The following IQSEC1 variants were observed in gnomAD, a reference collection of about 807,000 sequenced individuals.
The protein encoded by IQSEC1 is IQ motif and Sec7 domain ArfGEF 1.
Under a neutral mutation model 91.0 loss-of-function variants are expected in IQSEC1, and 31 were observed. The ratio of observed to expected loss-of-function variants is 0.34; its 90% CI spans 0.26 to 0.46. IQSEC1 has a LOEUF of 0.46. IQSEC1 is among the 20% of genes least tolerant of loss of function. The pLI is 1.00. For synonymous variants in IQSEC1, 699 were observed against 662.6 expected (o/e 1.05, Z -0.84); for missense variants, 1,388 against 1,575.6 (o/e 0.88, Z 2.02).
intron 1 of IQSEC1, among the ~76,000 whole-genome samples, chr3:13,047,931 G>A (rs1704559564): frequency 6.6e-6 from 1 of 152,126 alleles, no homozygotes; most frequent in Non-Finnish European, 1.5e-5. Context: ...ATGGGTTTGG[G>A]CCCACCCAGC....
intron 1 of IQSEC1, among the ~76,000 whole-genome samples, chr3:13,036,175 G>T (rs375479084): frequency 6.6e-6 from 1 of 152,142 alleles, no homozygotes; most frequent in African/African-American, 2.4e-5. Flanking sequence ...TAACAACCGC[G>T]ACAGTTACAT....
At chr3:12,984,950 G>A (rs557949049) in intron 1 of IQSEC1, among the ~76,000 whole-genome samples, 5 of 144,260 alleles carry the variant, frequency 3.5e-5, no homozygotes, top group African/African-American at 7.8e-5. Flanking sequence ...TCAGCCTCCC[G>A]AGTAGCTGGG....
intron 2 of IQSEC1, among the ~76,000 whole-genome samples, chr3:13,144,235 G>A (rs1391867819): frequency 6.6e-6 from 1 of 152,198 alleles, no homozygotes; most frequent in Non-Finnish European, 1.5e-5. Context: ...GACATGGAGG[G>A]AACTAGACCA....
chr3:13,192,650 A>G (rs1244062588), intron 1 of IQSEC1, among the ~76,000 whole-genome samples: 1 of 152,220 alleles, frequency 6.6e-6, no homozygotes, highest in Admixed American at 6.5e-5. Flanking sequence ...CTCACCCTGC[A>G]TTCAGACCAC....
At chr3:13,234,022 C>T (rs574660647) in intron 1 of IQSEC1, among the ~76,000 whole-genome samples, 5 of 152,356 alleles carry the variant, frequency 3.3e-5, no homozygotes, top group South Asian at 2.1e-4. Context: ...GAAACTGACG[C>T]GCTCTGCATG....
At chr3:13,215,206 T>C (rs1412286704) in intron 1 of IQSEC1, among the ~76,000 whole-genome samples, 2 of 151,898 alleles carry the variant, frequency 1.3e-5, no homozygotes, top group Non-Finnish European at 2.9e-5. Flanking sequence ...GCCAGTGGGA[T>C]GGAAAAGGTT....
rs1559248746 is a variant in IQSEC1 at position 13,072,975 on chromosome 3, C to T, written c.23+17G>A. 1 of 1,551,170 alleles carries T rather than the reference C, an allele frequency of 6.4e-7. No homozygotes were observed. Among genetic ancestry groups the T allele is most frequent in the Non-Finnish European group, 8.7e-7 (1 of 1,146,498 alleles). On this transcript the variant is annotated intron_variant, in intron 1 of 13. Transcript: ENST00000613206. ...CTGGCCTCTGGCTTCAGGCAGAAAC[C>T]TGCCACATATACTCACAAATAGCGT...
chr3:13,073,301 G>A lies in IQSEC1; in HGVS notation c.-287C>T, dbSNP rs543989691. ...AACCGTGGTCGCCAGGCTGGGCGGG[G>A]GCGTCCACCTCGCTGCTACCTGGGC... On this transcript the variant is annotated 5_prime_UTR_variant, in exon 1 of 14. Coordinates refer to ENST00000613206, the MANE Select transcript of IQSEC1 (RefSeq NM_001134382.3). Among the ~76,000 whole-genome samples, 103 of 152,322 alleles carry A rather than the reference G, an allele frequency of 6.8e-4. No individual in the cohort carries two copies. The highest frequency in any genetic ancestry group is 2.3e-3 in the African/African-American group (94 of 41,570).
At chr3:13,237,503 A>G (rs552883395) in intron 1 of IQSEC1, among the ~76,000 whole-genome samples, 62 of 152,284 alleles carry the variant, frequency 4.1e-4, no homozygotes, top group African/African-American at 1.4e-3. Flanking sequence ...GCACGAGGGA[A>G]GTGATCAGGA....
At chr3:12,965,114 C>T (rs1343226276) in intron 1 of IQSEC1, among the ~76,000 whole-genome samples, 1 of 152,178 alleles carries the variant, frequency 6.6e-6, no homozygotes, top group Non-Finnish European at 1.5e-5. Context: ...GATATTCTGG[C>T]CCAGTCTCTG....
At chr3:13,253,184 G>A (rs748735660) in intron 1 of IQSEC1, among the ~76,000 whole-genome samples, 3 of 152,194 alleles carry the variant, frequency 2.0e-5, no homozygotes, top group Non-Finnish European at 4.4e-5. Flanking sequence ...ACCCCCAATA[G>A]CCCTATAGGA....
At chr3:13,005,487 C>G (rs1405852828) in intron 1 of IQSEC1, among the ~76,000 whole-genome samples, 2 of 152,086 alleles carry the variant, frequency 1.3e-5, no homozygotes, top group African/African-American at 4.8e-5. Flanking sequence ...CCTGGGCAGT[C>G]AGCACGTAGC....
At chr3:12,932,626 C>T (rs1697779624) in intron 3 of IQSEC1, among the ~76,000 whole-genome samples, 1 of 152,218 alleles carries the variant, frequency 6.6e-6, no homozygotes. Context: ...CCTTGGCACT[C>T]TGGACACAGA....
At chr3:12,926,407 G>T (rs1438454469) in intron 3 of IQSEC1, among the ~76,000 whole-genome samples, 1 of 152,162 alleles carries the variant, frequency 6.6e-6, no homozygotes, top group African/African-American at 2.4e-5. Context: ...TCTGGAGTTT[G>T]CCAGGCCACT....
chr3:13,003,473 T>G (rs1336172016), intron 1 of IQSEC1, among the ~76,000 whole-genome samples: 1 of 152,152 alleles, frequency 6.6e-6, no homozygotes, highest in Non-Finnish European at 1.5e-5. Context: ...GGACTTGGGA[T>G]GGCACAAGGG....
intron 1 of IQSEC1, among the ~76,000 whole-genome samples, chr3:13,228,983 G>C (rs556459814): frequency 1.1e-4 from 17 of 152,132 alleles, no homozygotes; most frequent in Non-Finnish European, 2.1e-4. Context: ...CCATCTGTCC[G>C]TCTCTCTTTT....
intron 1 of IQSEC1, among the ~76,000 whole-genome samples, chr3:13,230,521 G>A (rs889968926): frequency 8.5e-5 from 13 of 152,350 alleles, no homozygotes; most frequent in African/African-American, 2.2e-4. Context: ...GTTGCCATGA[G>A]CTTTGCTCTT....
At chr3:13,107,393 C>T (rs1381974289) in intron 2 of IQSEC1, among the ~76,000 whole-genome samples, 1 of 152,250 alleles carries the variant, frequency 6.6e-6, no homozygotes, top group African/African-American at 2.4e-5. Context: ...TAATTAAGTG[C>T]CTACTATACA....
In IQSEC1 at chr3:13,140,826, G is replaced by C. The variant is rs9849968; in HGVS notation, c.302+23278C>G. On this transcript the variant is annotated intron_variant, in intron 2 of 15. Coordinates refer to the IQSEC1 transcript ENST00000648114. ...CGCATCCCACCCTCCCCTGGGTCTG[G>C]ACTTAGGCTGACAGAGCAGGCTCTA... Among the ~76,000 whole-genome samples the C allele has an allele frequency of 3.4e-3, 518 of 152,304 alleles. 2 individuals carry two copies. The highest frequency in any genetic ancestry group is 0.012 in the African/African-American group (492 of 41,564).
Sources: gnomAD v4.1 joint callset for allele counts (sites outside exome capture counted in the v4.1 genomes callset) on GRCh38, gnomAD v4.1.1 for gene constraint, MANE v1.5 for transcripts, NCBI Gene and HGNC (gene_info 2026-07-23, HGNC 2026-07-21) for gene names.